The following TMIGD3 variants were observed in gnomAD, a reference collection of about 807,000 sequenced individuals.
The protein encoded by TMIGD3 is transmembrane and immunoglobulin domain containing 3, also known as AD026 protein (AD026).
In TMIGD3, 21 loss-of-function variants were observed where a neutral mutation model predicts 28.1. The observed-to-expected ratio is 0.75, with a 90% CI of 0.53 to 1.08. The LOEUF is 1.08. TMIGD3 is among the 50% of genes least tolerant of loss of function. The pLI, the probability that TMIGD3 is intolerant of heterozygous loss-of-function variation, is 0.00. For missense variants in TMIGD3, 416 were observed against 435.6 expected, an observed-to-expected ratio of 0.96 and a Z score of 0.40; for synonymous variants, 151 against 162.1, an observed-to-expected ratio of 0.93 and a Z score of 0.52.
At chr1:111,490,806 T>A in intron 1 of TMIGD3, 44 bp from the exon 2 acceptor site, 8 of 1,483,542 alleles carry the variant, frequency 5.4e-6, no homozygotes, top group Non-Finnish European at 7.5e-6. Flanking sequence ...TATGGCTTTA[T>A]CCTGGTTTGA....
intron 1 of TMIGD3, among the ~76,000 whole-genome samples, chr1:111,490,964 C>T (rs1210803718): frequency 1.3e-5 from 2 of 152,194 alleles, no homozygotes; most frequent in African/African-American, 4.8e-5. Context: ...TAGAGATCTC[C>T]CTCCTGCGTA....
At chr1:111,509,402 G>A (rs1275704746) in intron 1 of TMIGD3, among the ~76,000 whole-genome samples, 1 of 152,126 alleles carries the variant, frequency 6.6e-6, no homozygotes, top group Admixed American at 6.5e-5. Context: ...TAGGCTTCTG[G>A]GTGCTCAGGC....
chr1:111,503,858 A>G (rs1386481647), upstream of TMIGD3: 1 of 995,824 alleles, frequency 1.0e-6, no homozygotes, highest in East Asian at 1.0e-4. Context: ...TCGAGACAAG[A>G]TTGGGTATCA....
At chr1:111,484,500 T>C (rs1654266327) in intron 5 of TMIGD3, among the ~76,000 whole-genome samples, 1 of 152,192 alleles carries the variant, frequency 6.6e-6, no homozygotes, top group Admixed American at 6.5e-5. Context: ...TGGGCAGACC[T>C]GAGAAAGCCA....
chr1:111,488,654 C>T (rs1185799512), intron 3 of TMIGD3, 23 bp downstream of exon 3: 1 of 1,599,536 alleles, frequency 6.3e-7, no homozygotes, highest in Non-Finnish European at 8.5e-7. Context: ...TACATCCAGC[C>T]AGACCCCAGG....
chr1:111,490,343 G>C (rs887298320), intron 2 of TMIGD3: 2 of 276,000 alleles, frequency 7.2e-6, no homozygotes, highest in Non-Finnish European at 1.4e-5. Flanking sequence ...TAATGAATTT[G>C]CATGTCATCC....
intron 1 of TMIGD3, chr1:111,501,499 A>G (rs1417349633): frequency 6.6e-6 from 1 of 152,254 alleles, no homozygotes; most frequent in Non-Finnish European, 1.5e-5. Context: ...TAGTAATGAT[A>G]GCCACCATTT....
Position 111,486,639 on chromosome 1 carries a change from G to T in TMIGD3, c.819C>A (p.Asn273Lys), listed in dbSNP as rs753140333. The T allele has an allele frequency of 2.5e-6, 4 of 1,613,548 alleles. No homozygotes were observed. The highest frequency in any genetic ancestry group is 1.3e-5 in the African/African-American group (1 of 74,846). ...DFWSGKDLSG[N>K]KTRSCKAPKV... is the part of the protein sequence containing the mutation. The stretch of plus-strand genomic sequence containing the variant: ...TGGGAGCCTTGCAGCTTCTGGTTTT[G>T]TTGCCTGATAGGTCTGAATCAGAAA... Residue 273 changes from asparagine (N) to lysine (K), a missense_variant, in exon 4 of 6, where the codon AAC becomes AAA. Transcript: ENST00000369716.
chr1:111,500,719 C>A, intron 1 of TMIGD3: 1 of 674,832 alleles, frequency 1.5e-6, no homozygotes, highest in South Asian at 2.1e-5. Context: ...TATGGTGATT[C>A]CAGCTAAACT....
chr1:111,486,970 C>T (rs566842154), intron 3 of TMIGD3, among the ~76,000 whole-genome samples: 3 of 152,302 alleles, frequency 2.0e-5, no homozygotes, highest in African/African-American at 7.2e-5. Context: ...CTAGAAGTGG[C>T]CCATAGTTAC....
At chr1:111,534,644 C>A (rs1261294537) in intron 1 of TMIGD3, among the ~76,000 whole-genome samples, 1 of 152,156 alleles carries the variant, frequency 6.6e-6, no homozygotes, top group African/African-American at 2.4e-5. Context: ...AAGAACTGAT[C>A]CCTCAGGGAA....
rs1346380252 is a variant in TMIGD3 at position 111,488,864 on chromosome 1, G to C, written c.618C>G (p.Thr206=). 1.2e-6 allele frequency: 2 copies of C among 1,614,188 alleles called. No homozygotes were observed. ...CNIIAFSPNS[T]NHVALRDTGN... ...CTGTGTCCCTCAGGGCCACATGATT[G>C]GTGCTGTTAGGGGAGAAGGCGATGA... Residue 206 remains threonine (T), a synonymous_variant, in exon 3 of 6, where the codon ACC becomes ACG. Transcript: ENST00000369716.
chr1:111,483,553 T>A lies in TMIGD3; in HGVS notation c.*134A>T. ...ACCGCCGTTGCTACCTGGCTGCAAA[T>A]GATTGTTGTCAAGGATAGAGGGTCC... is the stretch of plus-strand genomic sequence containing the variant. On this transcript the variant is annotated 3_prime_UTR_variant, in exon 6 of 6. Transcript: ENST00000369716. 1.3e-6 allele frequency: 1 copy of A among 791,264 alleles called. No homozygotes were observed. The highest frequency in any genetic ancestry group is 2.1e-6 in the Non-Finnish European group (1 of 466,358). The allele number at this position is 791,264 out of a possible 1,614,324, so 49.0% of individuals were successfully genotyped here.
chr1:111,542,779 C>T (rs1006268899), intron 1 of TMIGD3, among the ~76,000 whole-genome samples: 2 of 152,016 alleles, frequency 1.3e-5, no homozygotes, highest in East Asian at 3.9e-4. Flanking sequence ...TCACTGAAAC[C>T]TCCGCCTCCC....
At chr1:111,497,142 G>A (rs1025362932) in intron 1 of TMIGD3, among the ~76,000 whole-genome samples, 13 of 152,090 alleles carry the variant, frequency 8.5e-5, no homozygotes, top group Non-Finnish European at 1.5e-4. Flanking sequence ...ACGGAGTGTC[G>A]TTCTGTCGCC....
At chr1:111,546,645 C>A (rs1557844356) in intron 1 of TMIGD3, among the ~76,000 whole-genome samples, 1 of 152,136 alleles carries the variant, frequency 6.6e-6, no homozygotes. Context: ...CATGTATATA[C>A]CACATTTTGT....
At chr1:111,555,430 A>C (rs1657450268) in intron 1 of TMIGD3, among the ~76,000 whole-genome samples, 1 of 151,566 alleles carries the variant, frequency 6.6e-6, no homozygotes. Context: ...ATAGTTCCAG[A>C]AAAAAAATTT....
chr1:111,547,359 T>C (rs1360077226), intron 1 of TMIGD3, among the ~76,000 whole-genome samples: 2 of 152,110 alleles, frequency 1.3e-5, no homozygotes, highest in South Asian at 2.1e-4. Context: ...ATGATTTTTT[T>C]CCCTTTATCC....
In TMIGD3 at chr1:111,523,270, AT is replaced by A. The variant is rs1656142436; in HGVS notation, c.108-32509del. Among the ~76,000 whole-genome samples the A allele has an allele frequency of 2.0e-5, 3 of 152,340 alleles. No homozygotes were observed. In the South Asian group the frequency reaches 6.2e-4, roughly 32 times the overall value. Reference sequence around the variant, plus strand: ...TTTTTATTATTTTAGATGTTAATATATGGATTATAAATTGGATTTTGCATAG... The same window carrying A: ...TTTTTATTATTTTAGATGTTAATATAGGATTATAAATTGGATTTTGCATAG... On this transcript the variant is annotated intron_variant, in intron 1 of 5. Transcript: ENST00000369717.
Sources: gnomAD v4.1 joint callset for allele counts (sites outside exome capture counted in the v4.1 genomes callset) on GRCh38, gnomAD v4.1.1 for gene constraint, MANE v1.5 for transcripts, NCBI Gene and HGNC (gene_info 2026-07-23, HGNC 2026-07-21) for gene names.